RMRP: variants seen among roughly 807,000 people sequenced by gnomAD.
RMRP encodes RNA component of mitochondrial RNA processing endoribonuclease.
In RMRP at chr9:35,658,000, C is replaced by G. The variant is rs910861550; in HGVS notation, n.18G>C. 5.7e-6 allele frequency: 4 copies of G among 696,630 alleles called. No homozygotes were observed. Among genetic ancestry groups the G allele is most frequent in the Non-Finnish European group, 1.0e-5 (4 of 381,886 alleles). 43.2% of individuals were successfully genotyped at this position (696,630 alleles called of 1,614,324 possible). On this transcript the variant is annotated non_coding_transcript_exon_variant, in exon 1 of 1. Transcript: ENST00000363046. Reference sequence around the variant, plus strand: ...AGTCCTCAGTGTGTAGCCTAGGATACAGGCCTTCAGCACGAACCACGTCCT... The same window carrying G: ...AGTCCTCAGTGTGTAGCCTAGGATAGAGGCCTTCAGCACGAACCACGTCCT...
Position 35,657,939 on chromosome 9 carries a change from C to T in RMRP, n.79G>A, listed in dbSNP as rs756128568. The T allele has an allele frequency of 1.3e-5, 9 of 700,336 alleles. No homozygotes were observed. The highest frequency in any genetic ancestry group is 8.7e-5 in the African/African-American group (5 of 57,204). The allele number at this position is 700,336 out of a possible 1,614,324, so 43.4% of individuals were successfully genotyped here. A position where few individuals can be genotyped will look rare whatever the true frequency, so the allele number is the denominator to read the frequency against. ...CACGTGGCACTCTCTGCCCGAGGTC[C>T]GGGGACTTTCCCCTAGGCGGAAAGG... is the stretch of plus-strand genomic sequence containing the variant. On this transcript the variant is annotated non_coding_transcript_exon_variant, in exon 1 of 1. Coordinates refer to ENST00000363046, the Ensembl canonical transcript of RMRP.
rs1479610947 is a variant in RMRP, at chr9:35,657,907, G to C, written n.111C>G. ...AGTGGGAAGCGGGGAATGTCTACGT[G>C]CGTATGCACGTGGCACTCTCTGCCC... On this transcript the variant is annotated non_coding_transcript_exon_variant, in exon 1 of 1. Coordinates refer to ENST00000363046, the Ensembl canonical transcript of RMRP. The C allele has an allele frequency of 2.9e-6, 2 of 699,276 alleles. No homozygotes were observed. The highest frequency in any genetic ancestry group is 2.0e-5 in the Admixed American group (1 of 49,944). 43.3% of individuals were successfully genotyped at this position (699,276 alleles called of 1,614,324 possible). A position where few individuals can be genotyped will look rare whatever the true frequency, so the allele number is the denominator to read the frequency against.
chr9:35,657,856 G>T (rs550203343), exon 1 of RMRP: 1 of 700,454 alleles, frequency 1.4e-6, no homozygotes, highest in South Asian at 1.5e-5. Flanking sequence ...GCCGCTCAGC[G>T]GGATACGCTT....
chr9:35,657,775 G>T (rs1260135124), exon 1 of RMRP: 2 of 696,496 alleles, frequency 2.9e-6, no homozygotes, highest in East Asian at 2.7e-5. Flanking sequence ...AATGAGCCCC[G>T]TGTGGTTGGT....
chr9:35,657,905 G>A lies in RMRP; in HGVS notation n.113C>T, dbSNP rs769331218. 7.4e-5 allele frequency: 52 copies of A among 699,100 alleles called. No homozygotes were observed. The highest frequency in any genetic ancestry group is 6.2e-4 in the African/African-American group (35 of 56,094). The allele number at this position is 699,100 out of a possible 1,614,324, so 43.3% of individuals were successfully genotyped here. A position where few individuals can be genotyped will look rare whatever the true frequency, so the allele number is the denominator to read the frequency against. On this transcript the variant is annotated non_coding_transcript_exon_variant, in exon 1 of 1. Coordinates refer to ENST00000363046, the Ensembl canonical transcript of RMRP. Reference sequence around the variant, plus strand: ...GGAGTGGGAAGCGGGGAATGTCTACGTGCGTATGCACGTGGCACTCTCTGC... The same window carrying A: ...GGAGTGGGAAGCGGGGAATGTCTACATGCGTATGCACGTGGCACTCTCTGC...
chr9:35,657,943 G>T, exon 1 of RMRP: 1 of 700,468 alleles, frequency 1.4e-6, no homozygotes, highest in South Asian at 1.5e-5. Context: ...GAGGTCCGGG[G>T]ACTTTCCCCT....
At position 35,657,980 on chromosome 9, in the gene RMRP, T is replaced by C. The variant is rs1161741069; in HGVS notation, n.38A>G. 2 of 700,464 alleles carry C rather than the reference T, an allele frequency of 2.9e-6. No individual in the cohort carries two copies. Among genetic ancestry groups the C allele is most frequent in the South Asian group, 1.5e-5 (1 of 67,512 alleles). 43.4% of individuals were successfully genotyped at this position (700,464 alleles called of 1,614,324 possible). Reference sequence around the variant, plus strand: ...GGCGGAAAGGGGAGGAACAGAGTCCTCAGTGTGTAGCCTAGGATACAGGCC... The same window carrying C: ...GGCGGAAAGGGGAGGAACAGAGTCCCCAGTGTGTAGCCTAGGATACAGGCC... On this transcript the variant is annotated non_coding_transcript_exon_variant, in exon 1 of 1. Coordinates refer to ENST00000363046, the Ensembl canonical transcript of RMRP.
rs1554651360 is a variant in RMRP, at chr9:35,658,016, A to ACCACGTC, written n.1_2insGACGTGG. On this transcript the variant is annotated non_coding_transcript_exon_variant, in exon 1 of 1. Coordinates refer to ENST00000363046, the Ensembl canonical transcript of RMRP. ...CCTAGGATACAGGCCTTCAGCACGA[A>ACCACGTC]CCACGTCCTCAGCTTCACAGAGTAG... 3 of 690,474 alleles carry ACCACGTC rather than the reference A, an allele frequency of 4.3e-6. No homozygotes were observed. The highest frequency in any genetic ancestry group is 2.7e-5 in the East Asian group (1 of 36,972). The allele number at this position is 690,474 out of a possible 1,614,324, so 42.8% of individuals were successfully genotyped here. A position where few individuals can be genotyped will look rare whatever the true frequency, so the allele number is the denominator to read the frequency against.
chr9:35,657,933 G>GA lies in RMRP; in HGVS notation n.84dup, dbSNP rs1290503500. ...CGTATGCACGTGGCACTCTCTGCCCGAGGTCCGGGGACTTTCCCCTAGGCG... is the reference window on the plus strand; with the variant it reads ...CGTATGCACGTGGCACTCTCTGCCCGAAGGTCCGGGGACTTTCCCCTAGGCG... On this transcript the variant is annotated non_coding_transcript_exon_variant, in exon 1 of 1. Coordinates refer to ENST00000363046, the Ensembl canonical transcript of RMRP. 5.7e-6 allele frequency: 4 copies of GA among 700,456 alleles called. No individual in the cohort carries two copies. The East Asian group carries it at 8.0e-5, about 14-fold the overall frequency. 43.4% of individuals were successfully genotyped at this position (700,456 alleles called of 1,614,324 possible).
Position 35,657,804 on chromosome 9 carries a change from T to C in RMRP, n.214A>G, listed in dbSNP as rs886041234. On this transcript the variant is annotated non_coding_transcript_exon_variant, in exon 1 of 1. Transcript: ENST00000363046. ...GGTTGGTGCGCGGACACGCACTGCC[T>C]GCGTAACTAGAGGGAGCTGACGGAT... 6 of 692,142 alleles carry C rather than the reference T, an allele frequency of 8.7e-6. No homozygotes were observed. The highest frequency in any genetic ancestry group is 1.6e-5 in the Non-Finnish European group (6 of 384,520). 42.9% of individuals were successfully genotyped at this position (692,142 alleles called of 1,614,324 possible).
chr9:35,657,920 G>A, exon 1 of RMRP: 1 of 700,392 alleles, frequency 1.4e-6, no homozygotes, highest in East Asian at 2.7e-5. Flanking sequence ...TATGCACGTG[G>A]CACTCTCTGC....
chr9:35,657,953 T>C lies in RMRP; in HGVS notation n.65A>G, dbSNP rs530883024. ...TGCCCGAGGTCCGGGGACTTTCCCC[T>C]AGGCGGAAAGGGGAGGAACAGAGTC... On this transcript the variant is annotated non_coding_transcript_exon_variant, in exon 1 of 1. Coordinates refer to ENST00000363046, the Ensembl canonical transcript of RMRP. 44 of 700,432 alleles carry C rather than the reference T, an allele frequency of 6.3e-5. 1 individual carries two copies. The Middle Eastern group carries it at 1.1e-3, about 17-fold the overall frequency. The allele number at this position is 700,432 out of a possible 1,614,324, so 43.4% of individuals were successfully genotyped here.
chr9:35,657,769 A>G, exon 1 of RMRP: 1 of 693,316 alleles, frequency 1.4e-6, no homozygotes, highest in East Asian at 2.7e-5. Flanking sequence ...GCTGAGAATG[A>G]GCCCCGTGTG....
chr9:35,657,926 T>C lies in RMRP; in HGVS notation n.92A>G, dbSNP rs928762713. The C allele has an allele frequency of 7.1e-6, 5 of 700,350 alleles. No individual in the cohort carries two copies. The highest frequency in any genetic ancestry group is 2.7e-5 in the East Asian group (1 of 37,298). The allele number at this position is 700,350 out of a possible 1,614,324, so 43.4% of individuals were successfully genotyped here. A position where few individuals can be genotyped will look rare whatever the true frequency, so the allele number is the denominator to read the frequency against. ...CTACGTGCGTATGCACGTGGCACTC[T>C]CTGCCCGAGGTCCGGGGACTTTCCC... On this transcript the variant is annotated non_coding_transcript_exon_variant, in exon 1 of 1. Coordinates refer to ENST00000363046, the Ensembl canonical transcript of RMRP.
At chr9:35,658,018 C>G (rs773520232), upstream of RMRP, 4 of 690,004 alleles carry the variant, frequency 5.8e-6, no homozygotes, top group African/African-American at 1.8e-5. Flanking sequence ...CAGCACGAAC[C>G]ACGTCCTCAG....
rs933259658 is a variant in RMRP, at chr9:35,657,830, G to A, written n.188C>T. On this transcript the variant is annotated non_coding_transcript_exon_variant, in exon 1 of 1. Coordinates refer to ENST00000363046, the Ensembl canonical transcript of RMRP. Reference sequence around the variant, plus strand: ...GCGTAACTAGAGGGAGCTGACGGATGACGCCCCCGCGCCACGCCGCTCAGC... The same window carrying A: ...GCGTAACTAGAGGGAGCTGACGGATAACGCCCCCGCGCCACGCCGCTCAGC... The A allele has an allele frequency of 1.9e-5, 13 of 693,060 alleles. No individual in the cohort carries two copies. Among genetic ancestry groups the A allele is most frequent in the African/African-American group, 9.9e-5 (5 of 50,584 alleles). The allele number at this position is 693,060 out of a possible 1,614,324, so 42.9% of individuals were successfully genotyped here.
At chr9:35,657,847 C>T in exon 1 of RMRP, 1 of 693,810 alleles carries the variant, frequency 1.4e-6, no homozygotes, top group Non-Finnish European at 2.6e-6. Context: ...CCGCGCCACG[C>T]CGCTCAGCGG....
chr9:35,657,838 C>T lies in RMRP; in HGVS notation n.180G>A, dbSNP rs1004469515. On this transcript the variant is annotated non_coding_transcript_exon_variant, in exon 1 of 1. Transcript: ENST00000363046. The stretch of plus-strand genomic sequence containing the variant: ...AGAGGGAGCTGACGGATGACGCCCC[C>T]GCGCCACGCCGCTCAGCGGGATACG... 2.3e-5 allele frequency: 16 copies of T among 693,312 alleles called. No individual in the cohort carries two copies. The highest frequency in any genetic ancestry group is 1.4e-4 in the Admixed American group (7 of 49,616). The allele number at this position is 693,312 out of a possible 1,614,324, so 42.9% of individuals were successfully genotyped here.
chr9:35,657,930 C>A, exon 1 of RMRP: 1 of 700,418 alleles, frequency 1.4e-6, no homozygotes, highest in Non-Finnish European at 2.6e-6. Flanking sequence ...GCACTCTCTG[C>A]CCGAGGTCCG....
Sources: allele counts gnomAD v4.1 joint callset, GRCh38; gene constraint gnomAD v4.1.1; transcripts MANE v1.5; gene names NCBI Gene and HGNC (gene_info 2026-07-23, HGNC 2026-07-21).